TRAPPC9: variants seen among roughly 807,000 people sequenced by gnomAD.
The protein encoded by TRAPPC9 is trafficking protein particle complex subunit 9.
A neutral mutation model predicts 124.0 loss-of-function variants in TRAPPC9; 83 were observed. The observed-to-expected ratio is 0.67, with a 90% CI of 0.56 to 0.80. The LOEUF is 0.80. TRAPPC9 is among the 30% of genes least tolerant of loss of function. The pLI is 0.00. For synonymous variants in TRAPPC9, 638 were observed against 617.5 expected (o/e 1.03, Z -0.49); for missense variants, 1,302 against 1,508.3 (o/e 0.86, Z 2.27).
At position 139,822,600 on chromosome 8, in the gene TRAPPC9, T is replaced by G. The variant is rs568895865; in HGVS notation, c.3055+63279A>C. ...CTCCCTCAAGGAGAGGAGTCTGACC[T>G]GAGAGCCAAGAGCCGTAGGATGGCG... On this transcript the variant is annotated intron_variant, in intron 21 of 22. Coordinates refer to ENST00000438773, the MANE Select transcript of TRAPPC9 (RefSeq NM_001160372.4). 3.3e-5 allele frequency among the ~76,000 whole-genome samples: 5 copies of G among 151,740 alleles called. No homozygotes were observed. In the South Asian group the frequency reaches 1.0e-3, roughly 32 times the overall value.
At chr8:140,337,188 G>GCCT (rs1176187916) in intron 9 of TRAPPC9, among the ~76,000 whole-genome samples, 15 of 152,162 alleles carry the variant, frequency 9.9e-5, no homozygotes, top group African/African-American at 2.7e-4. Context: ...ATGCCTTACT[G>GCCT]CCTCCTCCTC....
intron 17 of TRAPPC9, among the ~76,000 whole-genome samples, chr8:140,105,322 ACTTCT>A (rs1337472603): frequency 6.6e-5 from 10 of 152,194 alleles, no homozygotes; most frequent in Admixed American, 2.6e-4. Context: ...AACAGTCAGC[ACTTCT>A]CTTGAGACTT....
chr8:140,272,434 A>G (rs1477908695), intron 15 of TRAPPC9, among the ~76,000 whole-genome samples: 4 of 140,968 alleles, frequency 2.8e-5, no homozygotes, highest in Non-Finnish European at 4.7e-5. Context: ...TGGTGATGGT[A>G]GTGATGGTGG....
intron 21 of TRAPPC9, among the ~76,000 whole-genome samples, chr8:139,743,843 T>C (rs1024762696): frequency 2.0e-4 from 31 of 152,220 alleles, no homozygotes; most frequent in Non-Finnish European, 1.5e-5. Context: ...GGTTGGTTGC[T>C]AGCTACTCAA....
chr8:140,164,685 C>G (rs749775002), intron 17 of TRAPPC9, among the ~76,000 whole-genome samples: 7 of 152,216 alleles, frequency 4.6e-5, no homozygotes, highest in Admixed American at 2.0e-4. Context: ...CCGTGCAGCA[C>G]AGGCCCACAG....
At chr8:140,454,115 C>T (rs1022848799) in intron 1 of TRAPPC9, among the ~76,000 whole-genome samples, 28 of 151,654 alleles carry the variant, frequency 1.8e-4, no homozygotes, top group Middle Eastern at 3.2e-3. Flanking sequence ...ATGACAAAAC[C>T]CCATCTCTAT....
intron 21 of TRAPPC9, among the ~76,000 whole-genome samples, chr8:139,795,554 A>C: frequency 3.3e-5 from 1 of 29,868 alleles, no homozygotes; most frequent in South Asian, 1.0e-3. Context: ...AAAGCTGGGC[A>C]GGGAGGGGGT....
intron 17 of TRAPPC9, among the ~76,000 whole-genome samples, chr8:140,100,830 G>A (rs1445146341): frequency 1.3e-5 from 2 of 152,172 alleles, no homozygotes; most frequent in Non-Finnish European, 2.9e-5. Context: ...ATTAACATGG[G>A]GCCTCTTCCG....
At chr8:140,354,407 C>G (rs144345470) in intron 9 of TRAPPC9, among the ~76,000 whole-genome samples, 6 of 152,334 alleles carry the variant, frequency 3.9e-5, no homozygotes, top group Non-Finnish European at 4.4e-5. Flanking sequence ...CACAAATCAT[C>G]AGGGTAGTAC....
chr8:140,050,729 G>T (rs1466916083), intron 17 of TRAPPC9, among the ~76,000 whole-genome samples: 1 of 152,174 alleles, frequency 6.6e-6, no homozygotes, highest in African/African-American at 2.4e-5. Context: ...GAGGGAAGAA[G>T]GGGGGAAGTA....
chr8:140,296,444 T>C (rs543131209), intron 11 of TRAPPC9, among the ~76,000 whole-genome samples: 73 of 152,246 alleles, frequency 4.8e-4, no homozygotes, highest in Non-Finnish European at 8.1e-4. Flanking sequence ...TTTTGTATTT[T>C]GTGTAGAGAT....
intron 19 of TRAPPC9, among the ~76,000 whole-genome samples, chr8:139,955,306 C>A (rs1337785972): frequency 5.3e-5 from 8 of 152,070 alleles, no homozygotes; most frequent in African/African-American, 1.9e-4. Flanking sequence ...TCTTGAGGTT[C>A]AGTTCAGGAG....
chr8:139,762,808 T>C (rs1335253150), intron 21 of TRAPPC9, among the ~76,000 whole-genome samples: 1 of 152,190 alleles, frequency 6.6e-6, no homozygotes, highest in Non-Finnish European at 1.5e-5. Flanking sequence ...AGGTCTCAGC[T>C]GCGGGACCTT....
intron 17 of TRAPPC9, among the ~76,000 whole-genome samples, chr8:140,122,023 T>TCTCTCTCTCTCTCTC (rs1563777112): frequency 8.5e-4 from 118 of 138,498 alleles, no homozygotes; most frequent in Non-Finnish European, 8.2e-4. Flanking sequence ...CTTTCTTTCT[T>TCTCTCTCTCTCTCTC]TCTCTCTCTC....
At chr8:140,107,344 C>G (rs1407794294) in intron 17 of TRAPPC9, among the ~76,000 whole-genome samples, 1 of 152,166 alleles carries the variant, frequency 6.6e-6, no homozygotes, top group Non-Finnish European at 1.5e-5. Context: ...TATTCGCTTA[C>G]TAAGTATTCA....
intron 17 of TRAPPC9, among the ~76,000 whole-genome samples, chr8:140,144,244 G>T (rs937839617): frequency 6.6e-6 from 1 of 152,124 alleles, no homozygotes; most frequent in African/African-American, 2.4e-5. Context: ...ATTTTGCCAG[G>T]AGTTATGTGC....
chr8:140,175,667 G>A (rs1256066028), intron 17 of TRAPPC9, among the ~76,000 whole-genome samples: 5 of 152,144 alleles, frequency 3.3e-5, no homozygotes, highest in Non-Finnish European at 7.4e-5. Flanking sequence ...ACATCCACGG[G>A]TTTAATCCTG....
intron 21 of TRAPPC9, among the ~76,000 whole-genome samples, chr8:139,777,882 G>T (rs1240652599): frequency 6.6e-6 from 1 of 152,180 alleles, no homozygotes; most frequent in Non-Finnish European, 1.5e-5. Context: ...CACCCCTAAA[G>T]ACTGTGAGTT....
intron 21 of TRAPPC9, among the ~76,000 whole-genome samples, chr8:139,773,212 G>T (rs367597468): frequency 1.3e-5 from 2 of 152,232 alleles, no homozygotes; most frequent in Non-Finnish European, 2.9e-5. Context: ...CGCCTGGCGC[G>T]CCCAGGTCTC....
Sources: allele counts gnomAD v4.1 joint callset (sites outside exome capture counted in the v4.1 genomes callset), GRCh38; gene constraint gnomAD v4.1.1; transcripts MANE v1.5; gene names NCBI Gene and HGNC (gene_info 2026-07-23, HGNC 2026-07-21).